Variants in PCM1 observed in about 807,000 individuals in gnomAD.
PCM1 encodes pericentriolar material 1.
Under a neutral mutation model 241.9 loss-of-function variants are expected in PCM1, and 157 were observed. The observed-to-expected ratio is 0.65, with a 90% CI of 0.57 to 0.74. The LOEUF is 0.74. Among genes scored for constraint, PCM1 ranks in the 30% least tolerant of loss-of-function variants. PCM1 has a pLI of 0.00. For synonymous variants in PCM1, 1,085 were observed against 784.9 expected, an observed-to-expected ratio of 1.38 and a Z score of -6.39; for missense variants, 3,478 against 2,360.1, an observed-to-expected ratio of 1.47 and a Z score of -9.81.
chr8:17,972,173 T>C (rs1164343753), intron 22 of PCM1, among the ~76,000 whole-genome samples, 156 bp from the exon 23 acceptor site: 1 of 152,374 alleles, frequency 6.6e-6, no homozygotes, highest in East Asian at 1.9e-4. Flanking sequence ...TTATGTGATA[T>C]TTGCATATTT....
chr8:17,957,387 C>A lies in PCM1; in HGVS notation c.1770C>A (p.Ala590=), dbSNP rs749966575. The A allele has an allele frequency of 6.2e-7, 1 of 1,612,552 alleles. No homozygotes were observed. Among genetic ancestry groups the A allele is most frequent in the South Asian group, 1.1e-5 (1 of 91,062 alleles). ...SNCEINNRSA[A]NIRALNMPPS... Reference sequence around the variant, plus strand: ...GTGAAATTAACAACAGATCTGCTGCCAACATAAGGGCTCTAAACATGCCTC... The same window carrying A: ...GTGAAATTAACAACAGATCTGCTGCAAACATAAGGGCTCTAAACATGCCTC... The change falls in exon 12 of 39, where the codon GCC becomes GCA. Residue 590 remains alanine (A), a synonymous_variant. Transcript: ENST00000325083.
At chr8:18,026,248 A>C (rs1588878811) in intron 38 of PCM1, among the ~76,000 whole-genome samples, 1 of 134,934 alleles carries the variant, frequency 7.4e-6, no homozygotes, top group Admixed American at 8.4e-5. Context: ...TATTATAAAT[A>C]GCAAAAACCC....
At chr8:17,971,137 T>G (rs1736034154) in intron 22 of PCM1, among the ~76,000 whole-genome samples, 1 of 152,260 alleles carries the variant, frequency 6.6e-6, no homozygotes. Context: ...AATTTTCATT[T>G]GTCACAAACT....
chr8:17,992,618 T>TC (rs2085120472), intron 28 of PCM1, among the ~76,000 whole-genome samples: 1 of 150,980 alleles, frequency 6.6e-6, no homozygotes, highest in African/African-American at 2.4e-5. Flanking sequence ...TACTTTTTTT[T>TC]TTTTTTTTTT....
intron 33 of PCM1, 133 bp downstream of exon 33, chr8:18,011,499 T>C (rs1180365830): frequency 2.8e-6 from 3 of 1,057,788 alleles, no homozygotes; most frequent in Non-Finnish European, 4.0e-6. Flanking sequence ...ACTGTGACCC[T>C]GACTAAATTA....
chr8:17,989,808 A>G (rs2083891662), intron 26 of PCM1, 51 bp from the exon 27 acceptor site: 1 of 1,242,902 alleles, frequency 8.0e-7, no homozygotes, highest in Non-Finnish European at 1.1e-6. Flanking sequence ...GATTATTAAT[A>G]TGAAATTCTT....
At chr8:17,953,383 A>G in intron 9 of PCM1, among the ~76,000 whole-genome samples, 197 bp downstream of exon 9, 1 of 152,230 alleles carries the variant, frequency 6.6e-6, no homozygotes, top group East Asian at 1.9e-4. Flanking sequence ...TCAGTTTTAT[A>G]ATTCAGAAAA....
In PCM1 at chr8:17,957,416, C is replaced by G. The variant is rs1453012087; in HGVS notation, c.1799C>G (p.Ser600Cys). 6.2e-7 allele frequency: 1 copy of G among 1,612,078 alleles called. No individual in the cohort carries two copies. Among genetic ancestry groups the G allele is most frequent in the Admixed American group, 1.7e-5 (1 of 60,016 alleles). The change falls in exon 12 of 39, where the codon TCT becomes TGT. Residue 600 changes from serine to cysteine, a missense_variant. Physicochemically the swap from Ser to Cys is moderately radical, Grantham distance 112. Transcript: ENST00000325083. Reference protein sequence around the residue: ...ANIRALNMPPSLDCRYNREGE... With the variant: ...ANIRALNMPPCLDCRYNREGE... The stretch of plus-strand genomic sequence containing the variant: ...ATAAGGGCTCTAAACATGCCTCCTT[C>G]TTTAGGTATGACTGACTGTATTTAC...
chr8:18,027,017 G>A (rs148728514), intron 38 of PCM1, among the ~76,000 whole-genome samples: 181 of 152,244 alleles, frequency 1.2e-3, no homozygotes, highest in African/African-American at 4.1e-3. Flanking sequence ...CACAGCTCTG[G>A]AGCCACTCAA....
chr8:17,992,140 G>A (rs563946074), intron 28 of PCM1, among the ~76,000 whole-genome samples: 6 of 152,232 alleles, frequency 3.9e-5, no homozygotes, highest in South Asian at 2.1e-4. Flanking sequence ...TTATCCGCTC[G>A]TTGATTGATG....
rs150970957 is a variant in PCM1, at chr8:17,985,281, A to G, written c.4109-166A>G. On this transcript the variant is annotated intron_variant, in intron 24 of 38. Transcript: ENST00000325083. ...ATCTTGATATTTTAAGATTTTATTT[A>G]TCTTGGTAATATTAAGCTTCTTTTC... is the stretch of plus-strand genomic sequence containing the variant. Among the ~76,000 whole-genome samples, 220 of 151,876 alleles carry G rather than the reference A, an allele frequency of 1.4e-3. 1 individual carries two copies. The highest frequency in any genetic ancestry group is 5.1e-3 in the African/African-American group (211 of 41,534).
intron 29 of PCM1, among the ~76,000 whole-genome samples, chr8:17,994,125 A>T (rs905578248): frequency 6.6e-6 from 1 of 152,154 alleles, no homozygotes; most frequent in Admixed American, 6.5e-5. Context: ...TAAATAATAG[A>T]TCTTATTCAT....
At chr8:17,928,088 G>A (rs1277774363) in intron 2 of PCM1, 5 of 152,118 alleles carry the variant, frequency 3.3e-5, no homozygotes, top group Non-Finnish European at 5.9e-5. Context: ...TCAGCTACCC[G>A]TAGTACTGTC....
intron 4 of PCM1, among the ~76,000 whole-genome samples, chr8:17,938,258 C>G (rs888367892): frequency 6.6e-6 from 1 of 152,024 alleles, no homozygotes; most frequent in African/African-American, 2.4e-5. Context: ...GAAAACGCGT[C>G]AAAACTTTGT....
intron 29 of PCM1, among the ~76,000 whole-genome samples, chr8:18,004,882 C>T (rs1360768601): frequency 6.6e-6 from 1 of 152,146 alleles, no homozygotes; most frequent in Admixed American, 6.6e-5. Flanking sequence ...AAGCCGTGTC[C>T]TACCCAAACT....
chr8:18,010,413 G>C (rs2092310317), intron 31 of PCM1, among the ~76,000 whole-genome samples, 196 bp from the exon 32 acceptor site: 1 of 152,082 alleles, frequency 6.6e-6, no homozygotes, highest in Non-Finnish European at 1.5e-5. Flanking sequence ...TTATTTTCTG[G>C]ATATAAATAA....
chr8:17,940,422 T>A (rs2285304), intron 6 of PCM1, among the ~76,000 whole-genome samples: 104,954 of 152,090 alleles, frequency 0.69, 36,899 homozygotes, highest in Non-Finnish European at 0.77. Flanking sequence ...TTTTGTAGTT[T>A]GTTTTGTTAA....
At position 17,935,695 on chromosome 8, in the gene PCM1, C is replaced by G. The variant is rs758595875; in HGVS notation, c.85C>G (p.Leu29Val). The change falls in exon 3 of 39, where the codon CTC becomes GTC. Residue 29 changes from leucine (L) to valine (V), a missense_variant. By Grantham distance (32) the Leu-to-Val change is conservative (BLOSUM62 1). Transcript: ENST00000325083. ...NWSNENVDDR[L>V]NNMDWGAQQK... ...GAGTAATGAGAATGTTGATGACAGG[C>G]TCAACAATATGGTATGATTCCTTAC... is the stretch of plus-strand genomic sequence containing the variant. The G allele has an allele frequency of 7.1e-7, 1 of 1,415,234 alleles. No homozygotes were observed. The highest frequency in any genetic ancestry group is 1.0e-6 in the Non-Finnish European group (1 of 999,020). The allele number at this position is 1,415,234 out of a possible 1,614,324, so 87.7% of individuals were successfully genotyped here.
rs368114494 is a variant in PCM1 at position 17,993,495 on chromosome 8, T to C, written c.4703T>C (p.Ile1568Thr). 21 of 1,566,684 alleles carry C rather than the reference T, an allele frequency of 1.3e-5. 1 individual carries two copies. The highest frequency in any genetic ancestry group is 1.7e-4 in the Middle Eastern group (1 of 6,008). Residue 1568 changes from isoleucine to threonine, a missense_variant, in exon 29 of 39, where the codon ATT becomes ACT. Physicochemically the swap from Ile to Thr is moderately conservative, Grantham distance 89 (BLOSUM62 -1). Coordinates refer to ENST00000325083, the MANE Select transcript of PCM1 (RefSeq NM_006197.4). ...TVNNLEETPV[I>T]ENRSSQQPVS... ...TTTTAAAAATTAGAAACTCCCGTTA[T>C]TGAAAATCGTAGTTCACAACAACCT...
Sources: allele counts gnomAD v4.1 joint callset (sites outside exome capture counted in the v4.1 genomes callset), GRCh38; gene constraint gnomAD v4.1.1; transcripts MANE v1.5; gene names NCBI Gene and HGNC (gene_info 2026-07-23, HGNC 2026-07-21).